VWA3A: variants seen among roughly 807,000 people sequenced by gnomAD.
VWA3A encodes the protein von Willebrand factor A domain-containing protein 3A.
A neutral mutation model predicts 160.4 loss-of-function variants in VWA3A; 134 were observed. The ratio of observed to expected loss-of-function variants is 0.84; its 90% CI spans 0.73 to 0.96. The LOEUF (loss-of-function observed/expected upper bound fraction) is 0.96. Ranked by LOEUF, VWA3A falls within the 40% of genes least tolerant of loss-of-function variation. The pLI is 0.00. For synonymous variants in VWA3A, 476 were observed against 543.4 expected (o/e 0.88, Z 1.72); for missense variants, 1,310 against 1,447.9 (o/e 0.90, Z 1.55).
intron 6 of VWA3A, among the ~76,000 whole-genome samples, chr16:22,104,990 A>G (rs1355228147): frequency 2.0e-5 from 3 of 152,118 alleles, no homozygotes; most frequent in African/African-American, 7.2e-5. Context: ...CTAGTGGGTA[A>G]CAACATAGTG....
At chr16:22,144,409 CT>C (rs745949206) in intron 26 of VWA3A, 25 bp downstream of exon 26, 6 of 1,608,740 alleles carry the variant, frequency 3.7e-6, no homozygotes, top group Admixed American at 1.7e-5. Context: ...TCATCATCGT[CT>C]TTTTTTTCTC....
At chr16:22,142,376 G>A (rs761876782) in intron 24 of VWA3A, among the ~76,000 whole-genome samples, 3 of 152,116 alleles carry the variant, frequency 2.0e-5, no homozygotes, top group Admixed American at 6.5e-5. Context: ...GGTGGAAGGC[G>A]CTGGGGAGCT....
At chr16:22,132,444 A>T (rs1411420519) in intron 19 of VWA3A, among the ~76,000 whole-genome samples, 1 of 151,894 alleles carries the variant, frequency 6.6e-6, no homozygotes, top group Non-Finnish European at 1.5e-5. Context: ...GCTACTTAGG[A>T]GGCTGAGGCA....
chr16:22,153,766 G>T (rs1240083867), intron 31 of VWA3A, among the ~76,000 whole-genome samples: 12 of 146,078 alleles, frequency 8.2e-5, no homozygotes, highest in African/African-American at 3.1e-4. Context: ...TTGAGACAGG[G>T]TCTCATTCTG....
chr16:22,126,012 T>C (rs2045842152), intron 16 of VWA3A, among the ~76,000 whole-genome samples, 166 bp from the exon 17 acceptor site: 1 of 152,136 alleles, frequency 6.6e-6, no homozygotes. Context: ...TAATCTACCA[T>C]TGTAAGCCCA....
intron 9 of VWA3A, chr16:22,116,420 A>C: frequency 2.2e-6 from 1 of 448,774 alleles, no homozygotes; most frequent in East Asian, 6.2e-5. Context: ...ACAAAGGAAA[A>C]AGGAAAGAGA....
intron 14 of VWA3A, among the ~76,000 whole-genome samples, chr16:22,122,241 A>ATGGATGGATGGATGGATGAG (rs2045751572): frequency 6.7e-6 from 1 of 148,534 alleles, no homozygotes; most frequent in Non-Finnish European, 1.5e-5. Context: ...GGGTGGATGA[A>ATGGATGGATGGATGGATGAG]TGGATGGATG....
At chr16:22,131,404 C>A in intron 18 of VWA3A, 125 bp downstream of exon 18, 1 of 1,418,876 alleles carries the variant, frequency 7.0e-7, no homozygotes, top group Non-Finnish European at 9.6e-7. Flanking sequence ...CAGCCATGGG[C>A]AGAAATCAGA....
intron 3 of VWA3A, among the ~76,000 whole-genome samples, chr16:22,098,392 G>A (rs1047457301): frequency 7.2e-5 from 11 of 152,206 alleles, no homozygotes; most frequent in African/African-American, 1.7e-4. Flanking sequence ...TAAAGGAGAC[G>A]AGGAAAGGTT....
intron 1 of VWA3A, 109 bp from the exon 2 acceptor site, chr16:22,096,750 A>G (rs2045330082): frequency 1.3e-6 from 1 of 764,378 alleles, no homozygotes. Context: ...ATCTCAAAAA[A>G]AAATTAAACA....
At chr16:22,103,572 C>T in intron 6 of VWA3A, 43 bp downstream of exon 6, 1 of 1,546,484 alleles carries the variant, frequency 6.5e-7, no homozygotes, top group Non-Finnish European at 8.7e-7. Flanking sequence ...TTCACTCATT[C>T]CATTTGTATT....
chr16:22,093,040 T>C (rs1901391766), intron 1 of VWA3A, among the ~76,000 whole-genome samples: 1 of 152,086 alleles, frequency 6.6e-6, no homozygotes, highest in African/African-American at 2.4e-5. Context: ...TGGTTGTTCT[T>C]TTCCTCTCCT....
intron 6 of VWA3A, among the ~76,000 whole-genome samples, chr16:22,104,806 A>G (rs1372380053): frequency 2.0e-5 from 3 of 152,198 alleles, no homozygotes; most frequent in Admixed American, 6.5e-5. Context: ...ATCAACTGGC[A>G]CTTTTCTGGC....
intron 17 of VWA3A, among the ~76,000 whole-genome samples, chr16:22,130,883 C>A (rs539842224): frequency 1.6e-4 from 22 of 140,690 alleles, no homozygotes; most frequent in African/African-American, 2.6e-4. Flanking sequence ...AAAAAAAAAA[C>A]AAACTATAGT....
chr16:22,124,993 C>CA (rs1394195126), intron 16 of VWA3A, among the ~76,000 whole-genome samples: 1 of 152,002 alleles, frequency 6.6e-6, no homozygotes, highest in Non-Finnish European at 1.5e-5. Context: ...AGAAAGAGAG[C>CA]AAACAAAAAG....
intron 8 of VWA3A, 100 bp downstream of exon 8, chr16:22,111,094 C>A: frequency 9.8e-7 from 1 of 1,025,502 alleles, no homozygotes; most frequent in South Asian, 1.7e-5. Context: ...CCCCAGGACC[C>A]TACTAGATAA....
intron 22 of VWA3A, 150 bp downstream of exon 22, chr16:22,138,662 C>A: frequency 9.3e-7 from 1 of 1,079,088 alleles, no homozygotes. Flanking sequence ...CCCAGGCCTC[C>A]AGGGGGAAAA....
chr16:22,105,939 C>A (rs548412778), intron 6 of VWA3A, among the ~76,000 whole-genome samples: 74 of 152,302 alleles, frequency 4.9e-4, no homozygotes, highest in African/African-American at 1.8e-3. Context: ...AGGATTGAGA[C>A]TACCAACATG....
chr16:22,120,649 A>T (rs2045716524), intron 12 of VWA3A, among the ~76,000 whole-genome samples: 1 of 152,090 alleles, frequency 6.6e-6, no homozygotes, highest in Non-Finnish European at 1.5e-5. Flanking sequence ...TCACTAAGTG[A>T]TTTGCTGCAG....
Sources: allele counts gnomAD v4.1 joint callset (sites outside exome capture counted in the v4.1 genomes callset), GRCh38; gene constraint gnomAD v4.1.1; transcripts MANE v1.5; gene names NCBI Gene and HGNC (gene_info 2026-07-23, HGNC 2026-07-21).